Variants in GRIN2A observed in about 807,000 individuals in gnomAD.
The protein encoded by GRIN2A is glutamate ionotropic receptor NMDA type subunit 2A.
A neutral mutation model predicts 113.4 loss-of-function variants in GRIN2A; 22 were observed. The ratio of observed to expected loss-of-function variants is 0.19; its 90% CI spans 0.14 to 0.28. The LOEUF is 0.28. Among genes scored for constraint, GRIN2A ranks in the 10% least tolerant of loss-of-function variants. The probability of loss-of-function intolerance (pLI) is 1.00; values close to 1 mark genes in which losing one functional copy is unlikely to be tolerated. For missense variants in GRIN2A, 1,502 were observed against 1,887.0 expected (o/e 0.80, Z 3.78); for synonymous variants, 827 against 738.4 (o/e 1.12, Z -1.94).
intron 5 of GRIN2A, among the ~76,000 whole-genome samples, chr16:9,846,819 C>G (rs1027308084): frequency 6.6e-6 from 1 of 152,126 alleles, no homozygotes; most frequent in Admixed American, 6.6e-5. Flanking sequence ...ACTCAGAAAA[C>G]AAATAAAGTT....
chr16:9,983,442 CTT>C (rs149545344), intron 2 of GRIN2A, among the ~76,000 whole-genome samples: 19 of 141,532 alleles, frequency 1.3e-4, no homozygotes, highest in Admixed American at 2.8e-4. Flanking sequence ...GTTATTTATT[CTT>C]TTTTTTTTTT....
intron 11 of GRIN2A, among the ~76,000 whole-genome samples, chr16:9,772,970 AT>A (rs1567285900): frequency 6.6e-6 from 1 of 151,244 alleles, no homozygotes; most frequent in African/African-American, 2.4e-5. Flanking sequence ...CTCATTACCA[AT>A]TACAGCCTGT....
chr16:9,960,533 A>G (rs2045417245), intron 2 of GRIN2A, among the ~76,000 whole-genome samples: 1 of 152,226 alleles, frequency 6.6e-6, no homozygotes, highest in South Asian at 2.1e-4. Flanking sequence ...GTAGGTAGGG[A>G]GAGCATATGC....
chr16:9,988,180 G>C (rs1007997449), intron 2 of GRIN2A, among the ~76,000 whole-genome samples: 1 of 152,008 alleles, frequency 6.6e-6, no homozygotes, highest in African/African-American at 2.4e-5. Context: ...TTGATGTCAG[G>C]GGCAGGAATC....
At chr16:10,173,380 C>G (rs72776080) in intron 2 of GRIN2A, among the ~76,000 whole-genome samples, 1 of 152,202 alleles carries the variant, frequency 6.6e-6, no homozygotes, top group African/African-American at 2.4e-5. Flanking sequence ...TGAGCTGTTA[C>G]TCAGCAGTTC....
chr16:9,940,599 A>G (rs1261512150), intron 2 of GRIN2A, among the ~76,000 whole-genome samples: 2 of 152,218 alleles, frequency 1.3e-5, no homozygotes, highest in Non-Finnish European at 2.9e-5. Context: ...GAAGATGTGA[A>G]TGAAGCCTAA....
At chr16:9,990,531 ATCTC>A (rs2046082727) in intron 2 of GRIN2A, among the ~76,000 whole-genome samples, 1 of 143,890 alleles carries the variant, frequency 6.9e-6, no homozygotes, top group South Asian at 2.2e-4. Flanking sequence ...CACCCCCTGA[ATCTC>A]TCTCTCTACA....
At chr16:10,068,534 T>C (rs1377067864) in intron 2 of GRIN2A, among the ~76,000 whole-genome samples, 1 of 152,188 alleles carries the variant, frequency 6.6e-6, no homozygotes, top group Non-Finnish European at 1.5e-5. Flanking sequence ...AAGAGTTCAC[T>C]CAGTACCAAG....
intron 2 of GRIN2A, among the ~76,000 whole-genome samples, chr16:10,128,141 T>C (rs1037903622): frequency 2.6e-5 from 4 of 152,198 alleles, no homozygotes; most frequent in African/African-American, 4.8e-5. Context: ...GCACTGTCCA[T>C]GATTCCGTAG....
chr16:10,172,214 T>C (rs2050055715), intron 2 of GRIN2A, among the ~76,000 whole-genome samples: 1 of 152,244 alleles, frequency 6.6e-6, no homozygotes, highest in Non-Finnish European at 1.5e-5. Flanking sequence ...CACAGGTATT[T>C]TTGAAAATTG....
chr16:9,823,159 T>C (rs2042319869), intron 9 of GRIN2A, among the ~76,000 whole-genome samples: 2 of 152,136 alleles, frequency 1.3e-5, no homozygotes, highest in Non-Finnish European at 2.9e-5. Flanking sequence ...CTCTGATGGA[T>C]TGGATGATTC....
intron 2 of GRIN2A, among the ~76,000 whole-genome samples, chr16:9,985,613 A>T (rs928214898): frequency 6.6e-6 from 1 of 151,998 alleles, no homozygotes; most frequent in Non-Finnish European, 1.5e-5. Flanking sequence ...TCATATTCCC[A>T]CTTATTTGTG....
intron 12 of GRIN2A, among the ~76,000 whole-genome samples, chr16:9,765,899 C>G (rs184272490): frequency 6.6e-6 from 1 of 152,182 alleles, no homozygotes; most frequent in Non-Finnish European, 1.5e-5. Context: ...ATACAAGCAC[C>G]TCCATCTATA....
At chr16:9,899,165 G>A (rs1028782208) in intron 3 of GRIN2A, among the ~76,000 whole-genome samples, 3 of 152,052 alleles carry the variant, frequency 2.0e-5, no homozygotes, top group Admixed American at 1.3e-4. Flanking sequence ...AAGGCCAGGC[G>A]CGGTGGCTCG....
At chr16:9,986,540 G>A (rs1194761661) in intron 2 of GRIN2A, among the ~76,000 whole-genome samples, 6 of 151,952 alleles carry the variant, frequency 3.9e-5, no homozygotes, top group South Asian at 2.1e-4. Context: ...CAAGGTGGGC[G>A]GATCATGAGG....
At chr16:10,085,702 T>C (rs1440910637) in intron 2 of GRIN2A, among the ~76,000 whole-genome samples, 2 of 152,164 alleles carry the variant, frequency 1.3e-5, no homozygotes, top group Admixed American at 6.5e-5. Flanking sequence ...TGTTTAACCC[T>C]TAGGAAAGAA....
Position 9,798,380 on chromosome 16 carries a change from C to T in GRIN2A, c.2253G>A (p.Gly751=), listed in dbSNP as rs1903132669. Residue 751 remains glycine (G), a synonymous_variant, in exon 11 of 13, where the codon GGG becomes GGA. Coordinates refer to ENST00000330684, the MANE Select transcript of GRIN2A (RefSeq NM_001134407.3). ...CGGTGGTGGCAAAGATGTACCCACT[C>T]CCGATGGTCACCAGCTTGCAGCCTT... ...RDEGCKLVTI[G]SGYIFATTGY... The T allele has an allele frequency of 6.2e-7, 1 of 1,613,834 alleles. No individual in the cohort carries two copies. The highest frequency in any genetic ancestry group is 1.7e-5 in the Admixed American group (1 of 60,006).
At chr16:9,844,440 C>T (rs1052924761) in intron 5 of GRIN2A, among the ~76,000 whole-genome samples, 3 of 152,282 alleles carry the variant, frequency 2.0e-5, no homozygotes, top group African/African-American at 4.8e-5. Context: ...TAATTGGGAA[C>T]GTCTGTTGGT....
chr16:10,017,424 C>G (rs1026319715), intron 2 of GRIN2A, among the ~76,000 whole-genome samples: 15 of 152,094 alleles, frequency 9.9e-5, no homozygotes. Context: ...CATTTCTGCA[C>G]AGGTTACAGT....
Sources: allele counts gnomAD v4.1 joint callset (sites outside exome capture counted in the v4.1 genomes callset), GRCh38; gene constraint gnomAD v4.1.1; transcripts MANE v1.5; gene names NCBI Gene and HGNC (gene_info 2026-07-23, HGNC 2026-07-21).